Variants in TK2 observed in about 807,000 individuals in gnomAD.
TK2 encodes the protein thymidine kinase 2.
TK2 carries 35 observed loss-of-function variants against 41.9 expected under a neutral mutation model. The observed-to-expected ratio is 0.84, with a 90% CI of 0.64 to 1.11. The LOEUF (loss-of-function observed/expected upper bound fraction) is 1.11, where lower values mean the gene tolerates loss of function less well. TK2 is among the 50% of genes least tolerant of loss of function. The probability of loss-of-function intolerance (pLI) is 0.00; values close to 1 mark genes in which losing one functional copy is unlikely to be tolerated. For synonymous variants in TK2, 128 were observed against 129.1 expected, an observed-to-expected ratio of 0.99 and a Z score of 0.06; for missense variants, 320 against 351.1, an observed-to-expected ratio of 0.91 and a Z score of 0.71.
At chr16:66,542,031 G>C in intron 2 of TK2, 78 bp from the exon 3 acceptor site, 1 of 1,475,050 alleles carries the variant, frequency 6.8e-7, no homozygotes, top group Non-Finnish European at 9.5e-7. Context: ...CTACGGAAAG[G>C]GCTCATGTAA....
intron 2 of TK2, 78 bp from the exon 3 acceptor site, chr16:66,542,031 G>A: frequency 1.4e-6 from 2 of 1,475,050 alleles, no homozygotes; most frequent in Admixed American, 3.4e-5. Context: ...CTACGGAAAG[G>A]GCTCATGTAA....
At chr16:66,540,162 C>CTTTCTTT (rs946862023) in intron 3 of TK2, among the ~76,000 whole-genome samples, 1 of 142,382 alleles carries the variant, frequency 7.0e-6, no homozygotes, top group African/African-American at 2.6e-5. Context: ...TCTTTTCTTT[C>CTTTCTTT]TTTCTTTTTT....
At chr16:66,513,122 A>C (rs1000973774) in intron 9 of TK2, among the ~76,000 whole-genome samples, 2 of 152,220 alleles carry the variant, frequency 1.3e-5, no homozygotes, top group African/African-American at 4.8e-5. Context: ...TGGAAACAGC[A>C]AACTGGAAAA....
At chr16:66,550,156 G>C (rs1263926312), upstream of TK2, 1 of 1,612,664 alleles carries the variant, frequency 6.2e-7, no homozygotes, top group Non-Finnish European at 8.5e-7. Context: ...CCTGGATCCC[G>C]GCGCCTGGCC....
intron 8 of TK2, among the ~76,000 whole-genome samples, chr16:66,515,864 A>G (rs1031923826): frequency 6.6e-6 from 1 of 152,146 alleles, no homozygotes; most frequent in Non-Finnish European, 1.5e-5. Flanking sequence ...AAGGAAAAAC[A>G]AGGCTGAGCA....
rs146856686 is a variant in TK2, at chr16:66,542,194, G to A, written c.157-241C>T. ...CCCCCCAGACCAGATCCTCCTTTACGTCAACTCCTAAACCATACACAGCTT... is the reference window on the plus strand; with the variant it reads ...CCCCCCAGACCAGATCCTCCTTTACATCAACTCCTAAACCATACACAGCTT... On this transcript the variant is annotated intron_variant, in intron 2 of 9. Transcript: ENST00000544898. 4.4e-3 allele frequency among the ~76,000 whole-genome samples: 664 copies of A among 152,134 alleles called. 3 individuals carry two copies. Among genetic ancestry groups the A allele is most frequent in the Middle Eastern group, 0.02 (6 of 294 alleles).
At chr16:66,530,012 A>G (rs1965060111) in intron 5 of TK2, among the ~76,000 whole-genome samples, 1 of 152,200 alleles carries the variant, frequency 6.6e-6, no homozygotes, top group Admixed American at 6.5e-5. Context: ...TTCAAATATC[A>G]TTAGATACAA....
At chr16:66,544,183 A>G (rs1033289084) in intron 2 of TK2, among the ~76,000 whole-genome samples, 2 of 152,182 alleles carry the variant, frequency 1.3e-5, no homozygotes, top group East Asian at 1.9e-4. Flanking sequence ...AGCTCAGCCA[A>G]TCTGCCCTCC....
chr16:66,540,031 T>C (rs1965408952), intron 3 of TK2, among the ~76,000 whole-genome samples: 1 of 152,212 alleles, frequency 6.6e-6, no homozygotes, highest in African/African-American at 2.4e-5. Flanking sequence ...CAAGCAGGCA[T>C]TTCTAAAGGG....
intron 2 of TK2, among the ~76,000 whole-genome samples, chr16:66,547,552 TC>T (rs1448811406): frequency 6.6e-6 from 1 of 152,012 alleles, no homozygotes; most frequent in Admixed American, 6.6e-5. Flanking sequence ...CTGCTCCATC[TC>T]CCAGCAGGCA....
intron 3 of TK2, among the ~76,000 whole-genome samples, chr16:66,541,637 G>A (rs1011243891): frequency 2.6e-5 from 4 of 151,922 alleles, no homozygotes; most frequent in African/African-American, 7.3e-5. Context: ...GGCTGGTCTG[G>A]AACTCCTGGG....
chr16:66,527,687 ATGATTGCC>A (rs1468651214), intron 6 of TK2, among the ~76,000 whole-genome samples: 1 of 152,214 alleles, frequency 6.6e-6, no homozygotes, highest in Non-Finnish European at 1.5e-5. Flanking sequence ...ACAATTTCAT[ATGATTGCC>A]TTAAATACTA....
In TK2 at chr16:66,519,317, T is replaced by C. The variant is rs562729060; in HGVS notation, c.450-1440A>G. On this transcript the variant is annotated intron_variant, in intron 6 of 9. Transcript: ENST00000544898. ...CCTCAGCCTCCTGAGTAGCTGGGACTACAGGTGTGCGCCACCATGCCTGGC... is the reference window on the plus strand; with the variant it reads ...CCTCAGCCTCCTGAGTAGCTGGGACCACAGGTGTGCGCCACCATGCCTGGC... Among the ~76,000 whole-genome samples the C allele has an allele frequency of 1.3e-5, 2 of 152,290 alleles. 1 individual carries two copies. The highest frequency in any genetic ancestry group is 6.8e-3 in the Middle Eastern group (2 of 294).
intron 6 of TK2, 200 bp from the exon 7 acceptor site, chr16:66,518,077 T>C: frequency 1.6e-6 from 1 of 632,700 alleles, no homozygotes; most frequent in Non-Finnish European, 2.9e-6. Context: ...GAGCGGCTTA[T>C]GGCACAATGC....
rs761317396 is a variant in TK2 at position 66,548,949 on chromosome 16, TAG to T, written c.156+27_156+28del. On this transcript the variant is annotated intron_variant, in intron 2 of 9. Coordinates refer to ENST00000544898, the MANE Select transcript of TK2 (RefSeq NM_004614.5). ...TCCTCTTCAAAAAACCAAATTATCC[TAG>T]AGAGTACACATAAAAGAGGGACTTA... is the stretch of plus-strand genomic sequence containing the variant. 1.6e-5 allele frequency: 25 copies of T among 1,605,400 alleles called. No homozygotes were observed. In the African/African-American group the frequency reaches 1.6e-4, roughly 10 times the overall value.
chr16:66,549,019 A>G lies in TK2; in HGVS notation c.125-10T>C, dbSNP rs569250873. 1.9e-5 allele frequency: 30 copies of G among 1,613,682 alleles called. No homozygotes were observed. In the South Asian group the frequency reaches 2.7e-4, roughly 15 times the overall value. ...TTTTCCTGTTCTTTATCTACAAAAG[A>G]AAGGAAATCAGTTTTTAAACTCACT... On this transcript the variant is annotated splice_polypyrimidine_tract_variant and intron_variant, in intron 1 of 9. Coordinates refer to ENST00000544898, the MANE Select transcript of TK2 (RefSeq NM_004614.5).
At chr16:66,531,515 A>G in intron 4 of TK2, 46 bp from the exon 5 acceptor site, 2 of 1,585,676 alleles carry the variant, frequency 1.3e-6, no homozygotes, top group Non-Finnish European at 1.7e-6. Flanking sequence ...TGGCATCTGC[A>G]GGAGGACCCT....
intron 6 of TK2, among the ~76,000 whole-genome samples, chr16:66,518,891 A>G (rs1964693907): frequency 6.6e-6 from 1 of 152,190 alleles, no homozygotes; most frequent in African/African-American, 2.4e-5. Context: ...TCCAAATTTT[A>G]ACAACACATT....
At chr16:66,545,502 G>T (rs563765055) in intron 2 of TK2, among the ~76,000 whole-genome samples, 2 of 152,144 alleles carry the variant, frequency 1.3e-5, no homozygotes, top group Non-Finnish European at 2.9e-5. Flanking sequence ...ATACTAATAC[G>T]TGCTACAAGG....
Sources: allele counts gnomAD v4.1 joint callset (sites outside exome capture counted in the v4.1 genomes callset), GRCh38; gene constraint gnomAD v4.1.1; transcripts MANE v1.5; gene names NCBI Gene and HGNC (gene_info 2026-07-23, HGNC 2026-07-21).